COL11A1: variants seen among roughly 807,000 people sequenced by gnomAD.
COL11A1 encodes collagen type XI alpha 1 chain.
COL11A1 carries 74 observed loss-of-function variants against 265.2 expected under a neutral mutation model. The ratio of observed to expected loss-of-function variants is 0.28; its 90% CI spans 0.23 to 0.34. COL11A1 has a LOEUF of 0.34. Ranked by LOEUF, COL11A1 falls within the 10% of genes least tolerant of loss-of-function variation. COL11A1 has a pLI of 1.00. For missense variants in COL11A1, 2,165 were observed against 2,263.6 expected, an observed-to-expected ratio of 0.96 and a Z score of 0.88; for synonymous variants, 816 against 727.6, an observed-to-expected ratio of 1.12 and a Z score of -1.96.
intron 41 of COL11A1, chr1:102,961,608 TC>T (rs1177498533): frequency 2.5e-6 from 1 of 396,274 alleles, no homozygotes; most frequent in African/African-American, 2.1e-5. Context: ...AGGATTTATT[TC>T]CTTGGGAACC....
chr1:103,047,243 G>A (rs948170037), intron 4 of COL11A1, among the ~76,000 whole-genome samples: 6 of 152,150 alleles, frequency 3.9e-5, no homozygotes, highest in African/African-American at 1.2e-4. Context: ...CCATGAGCAT[G>A]GAATGTTCTT....
At chr1:103,085,475 G>A (rs1258777876) in intron 1 of COL11A1, among the ~76,000 whole-genome samples, 1 of 152,182 alleles carries the variant, frequency 6.6e-6, no homozygotes. Context: ...AAATCCCACG[G>A]AGGCACAGGG....
intron 54 of COL11A1, among the ~76,000 whole-genome samples, chr1:102,902,326 C>T (rs1164590567): frequency 1.3e-5 from 2 of 152,022 alleles, no homozygotes; most frequent in Non-Finnish European, 2.9e-5. Context: ...AGAGTCTTGG[C>T]ATATGGAGAT....
intron 4 of COL11A1, 69 bp from the exon 5 acceptor site, chr1:103,031,313 C>T: frequency 6.5e-7 from 1 of 1,534,114 alleles, no homozygotes; most frequent in Non-Finnish European, 8.8e-7. Context: ...ACACATATAC[C>T]AAAGCGAGAT....
At position 102,970,258 on chromosome 1, in the gene COL11A1, C is replaced by T. The variant is rs1046246561; in HGVS notation, c.2823G>A (p.Lys941=). ...GCCCAGGGTGTCCTGGCAGCCCATC[C>T]TTCCCAGGTGGTCCCTGAAATTACA... ...GPKGPPGPPG[K]DGLPGHPGQR... The change falls in exon 37 of 67, where the codon AAG becomes AAA. Residue 941 remains lysine, a synonymous_variant. Transcript: ENST00000370096. 9 of 1,611,786 alleles carry T rather than the reference C, an allele frequency of 5.6e-6. No homozygotes were observed. The highest frequency in any genetic ancestry group is 1.7e-4 in the Middle Eastern group (1 of 6,050).
intron 4 of COL11A1, among the ~76,000 whole-genome samples, chr1:103,059,135 T>C (rs71664978): frequency 0.072 from 10,984 of 152,196 alleles, 567 homozygotes; most frequent in African/African-American, 0.14. Context: ...AAGCATGATA[T>C]AACAATGTAT....
At chr1:102,933,714 T>C (rs1324896908) in intron 46 of COL11A1, among the ~76,000 whole-genome samples, 1 of 152,206 alleles carries the variant, frequency 6.6e-6, no homozygotes, top group East Asian at 1.9e-4. Flanking sequence ...CAGTTTGATC[T>C]CAGACTGCTG....
At chr1:102,972,047 T>G (rs1470849186) in intron 36 of COL11A1, among the ~76,000 whole-genome samples, 2 of 152,192 alleles carry the variant, frequency 1.3e-5, no homozygotes, top group Non-Finnish European at 2.9e-5. Flanking sequence ...AAGTATTTAG[T>G]TGATTGGTAG....
At position 102,876,612 on chromosome 1, in the gene COL11A1, T is replaced by A. The variant is rs987928813; in HGVS notation, c.*1407A>T. 2.0e-5 allele frequency: 3 copies of A among 152,516 alleles called. No individual in the cohort carries two copies. Among genetic ancestry groups the A allele is most frequent in the Non-Finnish European group, 4.4e-5 (3 of 67,932 alleles). The allele number at this position is 152,516 out of a possible 1,614,324, so 9.4% of individuals were successfully genotyped here. On this transcript the variant is annotated 3_prime_UTR_variant, in exon 67 of 67. Coordinates refer to ENST00000370096, the MANE Select transcript of COL11A1 (RefSeq NM_001854.4). ...TCAATATTACAGGTATGTTCTTTTG[T>A]CATAAATTATCAGTTGAAACTGTTC...
chr1:102,979,368 T>A lies in COL11A1; in HGVS notation c.2610+14A>T. 1 of 1,596,298 alleles carries A rather than the reference T, an allele frequency of 6.3e-7. No homozygotes were observed. The highest frequency in any genetic ancestry group is 8.6e-7 in the Non-Finnish European group (1 of 1,164,214). The stretch of plus-strand genomic sequence containing the variant: ...ACTTATATACATAGTTCAAAACATA[T>A]TTATATATCATACCCGTGCACCTTT... On this transcript the variant is annotated intron_variant, in intron 32 of 66. Coordinates refer to ENST00000370096, the MANE Select transcript of COL11A1 (RefSeq NM_001854.4).
At chr1:102,972,634 A>T (rs763272532) in intron 36 of COL11A1, among the ~76,000 whole-genome samples, 2 of 152,112 alleles carry the variant, frequency 1.3e-5, no homozygotes, top group Non-Finnish European at 2.9e-5. Context: ...AAAAGTAATA[A>T]TTTTTTCATC....
At chr1:102,920,434 T>C (rs1219642160) in intron 48 of COL11A1, 70 bp from the exon 49 acceptor site, 2 of 1,346,152 alleles carry the variant, frequency 1.5e-6, no homozygotes, top group Non-Finnish European at 2.1e-6. Context: ...AACATATGTC[T>C]AGTTGTTCTC....
At chr1:102,913,542 G>T in intron 53 of COL11A1, 95 bp downstream of exon 53, 1 of 1,192,880 alleles carries the variant, frequency 8.4e-7, no homozygotes, top group Non-Finnish European at 1.3e-6. Context: ...TATACATAGA[G>T]CTATGTTTTT....
chr1:103,003,006 A>G (rs1222999418), intron 21 of COL11A1, among the ~76,000 whole-genome samples: 1 of 152,134 alleles, frequency 6.6e-6, no homozygotes, highest in Non-Finnish European at 1.5e-5. Context: ...CATGCTGGGG[A>G]TGTATCATGA....
At chr1:102,912,010 T>C in intron 54 of COL11A1, 149 bp downstream of exon 54, 2 of 677,884 alleles carry the variant, frequency 3.0e-6, no homozygotes, top group Non-Finnish European at 5.0e-6. Flanking sequence ...ATTTTAGTTA[T>C]TATTTGGCAC....
chr1:103,002,815 T>A, intron 21 of COL11A1, 24 bp from the exon 22 acceptor site: 1 of 1,609,500 alleles, frequency 6.2e-7, no homozygotes, highest in Non-Finnish European at 8.5e-7. Flanking sequence ...AAAGTATTTA[T>A]GGTTGTTTAT....
chr1:102,983,683 G>A (rs578018260), intron 31 of COL11A1, among the ~76,000 whole-genome samples: 41 of 152,046 alleles, frequency 2.7e-4, no homozygotes, highest in African/African-American at 9.6e-4. Context: ...GTTGTTTTAA[G>A]TTAATACGTT....
At chr1:103,002,214 C>T (rs1237439107) in intron 23 of COL11A1, among the ~76,000 whole-genome samples, 1 of 152,098 alleles carries the variant, frequency 6.6e-6, no homozygotes, top group African/African-American at 2.4e-5. Flanking sequence ...CTGGCATTCC[C>T]TAAACATTGA....
rs1227295122 is a variant in COL11A1 at position 102,965,474 on chromosome 1, C to T, written c.2916+13G>A. ...AATAAATCTTGCTTGGGAAATAAAG[C>T]AAAGGAACATACCTGTGGTCCAACC... On this transcript the variant is annotated intron_variant, in intron 38 of 66. Transcript: ENST00000370096. 4 of 1,612,504 alleles carry T rather than the reference C, an allele frequency of 2.5e-6. No individual in the cohort carries two copies. Among genetic ancestry groups the T allele is most frequent in the Non-Finnish European group, 3.4e-6 (4 of 1,178,878 alleles).
Sources: allele counts gnomAD v4.1 joint callset (sites outside exome capture counted in the v4.1 genomes callset), GRCh38; gene constraint gnomAD v4.1.1; transcripts MANE v1.5; gene names NCBI Gene and HGNC (gene_info 2026-07-23, HGNC 2026-07-21).